Variants in OPTN observed in about 807,000 individuals in gnomAD.
The protein encoded by OPTN is E3-14.7K-interacting protein.
Under a neutral mutation model 70.4 loss-of-function variants are expected in OPTN, and 54 were observed. The observed-to-expected ratio is 0.77, with a 90% CI of 0.62 to 0.96. The LOEUF (loss-of-function observed/expected upper bound fraction) is 0.96, where lower values mean the gene tolerates loss of function less well. Ranked by LOEUF, OPTN falls within the 40% of genes least tolerant of loss-of-function variation. The probability of loss-of-function intolerance (pLI) is 0.00; values close to 1 mark genes in which losing one functional copy is unlikely to be tolerated. For synonymous variants in OPTN, 256 were observed against 248.5 expected, an observed-to-expected ratio of 1.03 and a Z score of -0.28; for missense variants, 624 against 673.2, an observed-to-expected ratio of 0.93 and a Z score of 0.81.
At chr10:13,105,572 A>G (rs1832847789) in intron 1 of OPTN, among the ~76,000 whole-genome samples, 1 of 152,170 alleles carries the variant, frequency 6.6e-6, no homozygotes, top group Non-Finnish European at 1.5e-5. Context: ...AACCAGTTTT[A>G]ACTTTATTAT....
chr10:13,130,485 GA>G (rs386741046), intron 12 of OPTN, among the ~76,000 whole-genome samples: 37 of 145,028 alleles, frequency 2.6e-4, no homozygotes, highest in African/African-American at 9.1e-4. Context: ...TGGGATATAG[GA>G]ATAGACAAAA....
At chr10:13,115,512 A>T (rs866107667) in intron 5 of OPTN, among the ~76,000 whole-genome samples, 1 of 101,390 alleles carries the variant, frequency 9.9e-6, no homozygotes. Context: ...TAGAATATAT[A>T]TAATATATTC....
rs376809138 is a variant in OPTN, at chr10:13,136,734, C to T, written c.1613-11C>T. The T allele has an allele frequency of 5.0e-6, 8 of 1,613,920 alleles. No individual in the cohort carries two copies. The highest frequency in any genetic ancestry group is 6.8e-6 in the Non-Finnish European group (8 of 1,179,856). The stretch of plus-strand genomic sequence containing the variant: ...AAATGGAACTAATGGAATTATCATA[C>T]TTATTCCCAGGAGCTGAGGACAGGG... On this transcript the variant is annotated splice_polypyrimidine_tract_variant and intron_variant, in intron 14 of 14. Coordinates refer to ENST00000378747, the MANE Select transcript of OPTN (RefSeq NM_001008212.2).
At chr10:13,133,701 A>C (rs1588454106) in intron 14 of OPTN, 120 bp downstream of exon 14, 1 of 836,306 alleles carries the variant, frequency 1.2e-6, no homozygotes. Flanking sequence ...AAAATATAGC[A>C]CCCGTCAGTC....
intron 3 of OPTN, 31 bp from the exon 4 acceptor site, chr10:13,110,243 G>C: frequency 6.2e-7 from 1 of 1,611,262 alleles, no homozygotes; most frequent in Non-Finnish European, 8.5e-7. Flanking sequence ...CTTTCCTGGT[G>C]TGTGACTCCA....
At position 13,118,909 on chromosome 10, in the gene OPTN, C is replaced by T. The variant is rs750088207; in HGVS notation, c.648C>T (p.Ser216=). The T allele has an allele frequency of 6.2e-7, 1 of 1,613,910 alleles. No homozygotes were observed. Among genetic ancestry groups the T allele is most frequent in the Non-Finnish European group, 8.5e-7 (1 of 1,179,926 alleles). The change falls in exon 7 of 15, where the codon AGC becomes AGT. Residue 216 remains serine (S), a synonymous_variant. Transcript: ENST00000378747. Reference sequence around the variant, plus strand: ...ACAGGGCATTGTCTAAATATAGGAGCAGATCTGCAGATGGGGCCAAGAATT... The same window carrying T: ...ACAGGGCATTGTCTAAATATAGGAGTAGATCTGCAGATGGGGCCAAGAATT... ...STGTALSKYR[S]RSADGAKNYF...
At chr10:13,127,999 A>G (rs1287244485) in intron 12 of OPTN, 96 bp downstream of exon 12, 1 of 1,414,124 alleles carries the variant, frequency 7.1e-7, no homozygotes, top group Non-Finnish European at 9.9e-7. Context: ...GTAATTTTCT[A>G]TTTTATATAT....
chr10:13,126,101 G>C, intron 11 of OPTN, 62 bp downstream of exon 11: 2 of 990,798 alleles, frequency 2.0e-6, no homozygotes. Context: ...TGAACGTTTT[G>C]TATATAAAAT....
At chr10:13,123,853 G>A in intron 8 of OPTN, 142 bp from the exon 9 acceptor site, 1 of 686,704 alleles carries the variant, frequency 1.5e-6, no homozygotes, top group Non-Finnish European at 2.7e-6. Context: ...CCTACACAAT[G>A]TTTGGGGTAT....
chr10:13,118,719 T>C (rs1833274725), intron 6 of OPTN, among the ~76,000 whole-genome samples, 169 bp from the exon 7 acceptor site: 1 of 152,222 alleles, frequency 6.6e-6, no homozygotes, highest in African/African-American at 2.4e-5. Context: ...ATGGAGGAGC[T>C]TGGCACTGGG....
upstream of OPTN, chr10:13,100,090 C>T: frequency 6.6e-6 from 1 of 152,422 alleles, no homozygotes; most frequent in Non-Finnish European, 1.5e-5. Context: ...CCGGCGCGGG[C>T]AGGGAGCGGC....
intron 1 of OPTN, among the ~76,000 whole-genome samples, chr10:13,107,099 G>A (rs1216481185): frequency 6.6e-6 from 1 of 152,116 alleles, no homozygotes; most frequent in African/African-American, 2.4e-5. Flanking sequence ...TAAGGTCCAG[G>A]AGCAGTGGCT....
chr10:13,137,498 G>C lies in OPTN; in HGVS notation c.*632G>C, dbSNP rs528679622. ...CTAGCATGTGACATCATGTGACAAA[G>C]TTCATGTAATTAGATGGAAGAAACC... On this transcript the variant is annotated 3_prime_UTR_variant, in exon 15 of 15. Coordinates refer to ENST00000378747, the MANE Select transcript of OPTN (RefSeq NM_001008212.2). The C allele has an allele frequency of 1.8e-4, 41 of 227,638 alleles. No homozygotes were observed. The highest frequency in any genetic ancestry group is 4.5e-4 in the Admixed American group (8 of 17,700). The allele number at this position is 227,638 out of a possible 1,614,324, so 14.1% of individuals were successfully genotyped here. A position where few individuals can be genotyped will look rare whatever the true frequency, so the allele number is the denominator to read the frequency against.
intron 12 of OPTN, among the ~76,000 whole-genome samples, chr10:13,130,880 A>T (rs1248384638): frequency 6.6e-6 from 1 of 152,074 alleles, no homozygotes; most frequent in Non-Finnish European, 1.5e-5. Flanking sequence ...GTGTTTTGTT[A>T]TTTATAATTT....
intron 5 of OPTN, among the ~76,000 whole-genome samples, chr10:13,114,423 G>A (rs1325240831): frequency 2.0e-5 from 3 of 151,954 alleles, no homozygotes; most frequent in South Asian, 4.2e-4. Context: ...GTCAATAACC[G>A]ATAAGCTGCA....
At chr10:13,107,137 G>A (rs527304538) in intron 1 of OPTN, among the ~76,000 whole-genome samples, 2 of 152,044 alleles carry the variant, frequency 1.3e-5, no homozygotes, top group East Asian at 3.9e-4. Flanking sequence ...CACTTTTGGA[G>A]GCCGAGGCCA....
intron 2 of OPTN, chr10:13,108,812 C>T (rs1832925280): frequency 2.7e-6 from 1 of 367,102 alleles, no homozygotes; most frequent in African/African-American, 2.1e-5. Flanking sequence ...TCCCAAAGTG[C>T]TGGGATTACA....
intron 4 of OPTN, among the ~76,000 whole-genome samples, 165 bp downstream of exon 4, chr10:13,110,641 C>T (rs1213591716): frequency 6.6e-6 from 1 of 151,892 alleles, no homozygotes; most frequent in Non-Finnish European, 1.5e-5. Flanking sequence ...GATTGGTTGC[C>T]CTATTAAGGG....
Position 13,123,917 on chromosome 10 carries a change from G to A in OPTN, c.883-78G>A. ...GTCTTAATTGGCTACTAATGGTTCA[G>A]CCTGTTTTCTCCTAAAGAGGTTTGT... On this transcript the variant is annotated intron_variant, in intron 8 of 14. Coordinates refer to ENST00000378747, the MANE Select transcript of OPTN (RefSeq NM_001008212.2). 3.0e-6 allele frequency: 3 copies of A among 1,013,948 alleles called. No homozygotes were observed. In the South Asian group the frequency reaches 4.0e-5, roughly 14 times the overall value. The allele number at this position is 1,013,948 out of a possible 1,614,324, so 62.8% of individuals were successfully genotyped here.
Sources: gnomAD v4.1 joint callset for allele counts (sites outside exome capture counted in the v4.1 genomes callset) on GRCh38, gnomAD v4.1.1 for gene constraint, MANE v1.5 for transcripts, NCBI Gene and HGNC (gene_info 2026-07-23, HGNC 2026-07-21) for gene names.